Variants in TMEM182 observed in about 807,000 individuals in gnomAD.
TMEM182 encodes transmembrane protein 182.
In TMEM182, 20 loss-of-function variants were observed where a neutral mutation model predicts 26.8. The observed-to-expected ratio is 0.75, with a 90% CI of 0.53 to 1.09. The LOEUF (loss-of-function observed/expected upper bound fraction) is 1.09. Ranked by LOEUF, TMEM182 falls within the 50% of genes least tolerant of loss-of-function variation. The pLI is 0.00. For missense variants in TMEM182, 277 were observed against 275.5 expected (o/e 1.01, Z -0.04); for synonymous variants, 109 against 102.2 (o/e 1.07, Z -0.40).
At chr2:102,783,993 G>A (rs1681280284) in intron 3 of TMEM182, among the ~76,000 whole-genome samples, 1 of 151,934 alleles carries the variant, frequency 6.6e-6, no homozygotes, top group African/African-American at 2.4e-5. Context: ...GTTCGTATGT[G>A]GTTCACATTC....
intron 4 of TMEM182, among the ~76,000 whole-genome samples, chr2:102,801,809 C>G (rs532699591): frequency 5.3e-5 from 8 of 152,160 alleles, no homozygotes; most frequent in Non-Finnish European, 8.8e-5. Flanking sequence ...TTTCCTGGGT[C>G]TGGGCTATGC....
chr2:102,840,577 G>C (rs1048789512), intron 3 of TMEM182, among the ~76,000 whole-genome samples: 1 of 152,152 alleles, frequency 6.6e-6, no homozygotes, highest in Non-Finnish European at 1.5e-5. Flanking sequence ...GGCTCATATA[G>C]AGGACGCAAT....
intron 3 of TMEM182, among the ~76,000 whole-genome samples, chr2:102,790,235 A>G (rs541745707): frequency 6.6e-6 from 1 of 152,300 alleles, no homozygotes; most frequent in South Asian, 2.1e-4. Context: ...CACTGTGCCC[A>G]TTTGTTAAGC....
At chr2:102,834,393 C>G in intron 3 of TMEM182, 1 of 985,192 alleles carries the variant, frequency 1.0e-6, no homozygotes, top group Non-Finnish European at 1.2e-6. Flanking sequence ...CTCTTGGGAT[C>G]CTCTGCTGTA....
intron 3 of TMEM182, among the ~76,000 whole-genome samples, chr2:102,785,751 A>G (rs1573532265): frequency 1.3e-5 from 2 of 152,220 alleles, no homozygotes; most frequent in African/African-American, 4.8e-5. Context: ...GATGTGTAAT[A>G]ACAATATCAT....
At position 102,816,278 on chromosome 2, in the gene TMEM182, G is replaced by A; in HGVS notation, c.*1310G>A. Reference sequence around the variant, plus strand: ...AGGTGCGGTGTTTCATTCTGCAGCTGTTGTGAGGACAGAGAGGCATGGCCC... The same window carrying A: ...AGGTGCGGTGTTTCATTCTGCAGCTATTGTGAGGACAGAGAGGCATGGCCC... On this transcript the variant is annotated 3_prime_UTR_variant, in exon 5 of 5. Coordinates refer to ENST00000412401, the MANE Select transcript of TMEM182 (RefSeq NM_144632.5). The A allele has an allele frequency of 1.0e-6, 1 of 985,314 alleles. No individual in the cohort carries two copies. The highest frequency in any genetic ancestry group is 1.7e-5 in the African/African-American group (1 of 57,304). 61.0% of individuals were successfully genotyped at this position (985,314 alleles called of 1,614,324 possible).
chr2:102,825,017 CA>C (rs1377055813), intron 3 of TMEM182, among the ~76,000 whole-genome samples: 4 of 152,114 alleles, frequency 2.6e-5, no homozygotes, highest in African/African-American at 9.7e-5. Flanking sequence ...GGGACTAATA[CA>C]AATATATTCC....
At chr2:102,812,903 A>G (rs1682606552) in intron 4 of TMEM182, among the ~76,000 whole-genome samples, 1 of 152,212 alleles carries the variant, frequency 6.6e-6, no homozygotes, top group East Asian at 1.9e-4. Flanking sequence ...TATTTGCTGG[A>G]AAATGTATTG....
At chr2:102,806,299 A>C (rs912622592) in intron 4 of TMEM182, among the ~76,000 whole-genome samples, 1 of 152,162 alleles carries the variant, frequency 6.6e-6, no homozygotes, top group Non-Finnish European at 1.5e-5. Flanking sequence ...CTAGAAGTAA[A>C]GGGCTGATGG....
At chr2:102,820,239 T>G (rs1682892333), downstream of TMEM182, among the ~76,000 whole-genome samples, 1 of 152,200 alleles carries the variant, frequency 6.6e-6, no homozygotes, top group Non-Finnish European at 1.5e-5. Flanking sequence ...AAACTTGCAA[T>G]TTGCCAAATC....
intron 2 of TMEM182, among the ~76,000 whole-genome samples, chr2:102,762,896 G>A (rs1680276545): frequency 1.3e-5 from 2 of 152,118 alleles, no homozygotes; most frequent in Admixed American, 6.5e-5. Context: ...TAAAACAGGA[G>A]TCTGAATATT....
intron 3 of TMEM182, among the ~76,000 whole-genome samples, chr2:102,841,866 G>A (rs188746620): frequency 2.0e-5 from 3 of 152,212 alleles, no homozygotes; most frequent in African/African-American, 4.8e-5. Flanking sequence ...CTTCCATCTC[G>A]CTATGTGTAT....
chr2:102,765,358 T>C (rs2732841), intron 3 of TMEM182, among the ~76,000 whole-genome samples: 74,768 of 151,966 alleles, frequency 0.49, 19,367 homozygotes, highest in African/African-American at 0.66. Context: ...TGACTTTCTT[T>C]TTCCTCAGGA....
intron 3 of TMEM182, among the ~76,000 whole-genome samples, chr2:102,836,830 G>T (rs1325568446): frequency 6.6e-6 from 1 of 152,222 alleles, no homozygotes; most frequent in Non-Finnish European, 1.5e-5. Context: ...TCATGGCAGG[G>T]TTGGCCATTA....
chr2:102,781,673 G>A (rs929180834), intron 3 of TMEM182, among the ~76,000 whole-genome samples: 1 of 151,992 alleles, frequency 6.6e-6, no homozygotes, highest in Non-Finnish European at 1.5e-5. Flanking sequence ...GTTTTTTTCA[G>A]GGCAGGGAAT....
At chr2:102,823,892 C>A (rs1369198997) in intron 3 of TMEM182, among the ~76,000 whole-genome samples, 1 of 152,204 alleles carries the variant, frequency 6.6e-6, no homozygotes, top group East Asian at 1.9e-4. Context: ...TAGGGCCAAT[C>A]AAAAGGCGTA....
At chr2:102,766,480 A>G (rs937671648) in intron 3 of TMEM182, among the ~76,000 whole-genome samples, 1 of 152,218 alleles carries the variant, frequency 6.6e-6, no homozygotes, top group Non-Finnish European at 1.5e-5. Flanking sequence ...AGATGTGCAA[A>G]GATGTGTTCT....
At chr2:102,786,153 T>C (rs113413954) in intron 3 of TMEM182, among the ~76,000 whole-genome samples, 21 of 151,600 alleles carry the variant, frequency 1.4e-4, no homozygotes, top group African/African-American at 1.2e-4. Context: ...CTTGATTCAT[T>C]TGAAGCACTG....
chr2:102,843,375 C>G (rs1683388978), intron 3 of TMEM182: 1 of 152,204 alleles, frequency 6.6e-6, no homozygotes. Context: ...TTCTCTAAAA[C>G]CAGGTGACTC....
Sources: gnomAD v4.1 joint callset for allele counts (sites outside exome capture counted in the v4.1 genomes callset) on GRCh38, gnomAD v4.1.1 for gene constraint, MANE v1.5 for transcripts, NCBI Gene and HGNC (gene_info 2026-07-23, HGNC 2026-07-21) for gene names.